SBF2: variants seen among roughly 807,000 people sequenced by gnomAD.
SBF2 encodes SET binding factor 2, also known as myotubularin-related protein 13.
A neutral mutation model predicts 225.2 loss-of-function variants in SBF2; 112 were observed. That is an observed-to-expected ratio of 0.50 (90% CI 0.43 to 0.58). SBF2 has a LOEUF of 0.58. SBF2 is among the 20% of genes least tolerant of loss of function. The pLI is 0.00. For missense variants in SBF2, 1,996 were observed against 2,206.2 expected (o/e 0.90, Z 1.91); for synonymous variants, 763 against 773.3 (o/e 0.99, Z 0.22).
chr11:9,790,312 C>A (rs1455507482), intron 34 of SBF2, among the ~76,000 whole-genome samples: 1 of 152,178 alleles, frequency 6.6e-6, no homozygotes, highest in Non-Finnish European at 1.5e-5. Context: ...TGCTTTGATT[C>A]TCTGCAAGTT....
chr11:10,299,710 A>T (rs569340131), intron 1 of SBF2, among the ~76,000 whole-genome samples: 1 of 149,782 alleles, frequency 6.7e-6, no homozygotes, highest in African/African-American at 2.5e-5. Context: ...GAGTATGTGT[A>T]TGTGGGGAGG....
chr11:10,288,914 C>A lies in SBF2; in HGVS notation c.55+5101G>T, dbSNP rs562317821. Among the ~76,000 whole-genome samples, 3 of 152,314 alleles carry A rather than the reference C, an allele frequency of 2.0e-5. No individual in the cohort carries two copies. In the South Asian group the frequency reaches 6.2e-4, roughly 32 times the overall value. On this transcript the variant is annotated intron_variant, in intron 1 of 39. Coordinates refer to ENST00000256190, the MANE Select transcript of SBF2 (RefSeq NM_030962.4). ...TCCATAGGACTGGCAGCTGGGCCCC[C>A]AGTCTTCAAGCCCTCCCCGGCCTGA...
chr11:10,047,705 C>T (rs1164625911), intron 2 of SBF2, among the ~76,000 whole-genome samples: 1 of 152,082 alleles, frequency 6.6e-6, no homozygotes, highest in Non-Finnish European at 1.5e-5. Context: ...AAAGTAAGAT[C>T]GACATGATTT....
In SBF2 at chr11:10,207,405, T is replaced by C. The variant is rs143033822; in HGVS notation, c.56-13418A>G. ...CGGAGCATCAGTGGCAAAACAAAAA[T>C]ACAAATCCAAGTCATCCTCAATCTA... On this transcript the variant is annotated intron_variant, in intron 1 of 39. Coordinates refer to ENST00000256190, the MANE Select transcript of SBF2 (RefSeq NM_030962.4). 5.3e-5 allele frequency among the ~76,000 whole-genome samples: 8 copies of C among 152,108 alleles called. No individual in the cohort carries two copies. In the East Asian group the frequency reaches 7.7e-4, roughly 15 times the overall value.
chr11:9,907,630 T>A (rs1450696648), intron 16 of SBF2, among the ~76,000 whole-genome samples: 1 of 152,212 alleles, frequency 6.6e-6, no homozygotes, highest in Non-Finnish European at 1.5e-5. Flanking sequence ...ATGACTCCCA[T>A]TGCAATAGAA....
At chr11:10,294,515 G>A (rs1366280495), upstream of SBF2, among the ~76,000 whole-genome samples, 2 of 152,374 alleles carry the variant, frequency 1.3e-5, no homozygotes, top group East Asian at 1.9e-4. Flanking sequence ...AAGAAGGGAT[G>A]TGGAGAGTTG....
intron 2 of SBF2, among the ~76,000 whole-genome samples, chr11:10,096,112 C>T (rs986862026): frequency 6.6e-6 from 1 of 152,082 alleles, no homozygotes; most frequent in African/African-American, 2.4e-5. Flanking sequence ...ACTGACTCAA[C>T]ACAAAGGAGA....
chr11:10,192,144 T>A (rs916211780), intron 2 of SBF2, among the ~76,000 whole-genome samples: 1 of 152,160 alleles, frequency 6.6e-6, no homozygotes, highest in Non-Finnish European at 1.5e-5. Context: ...AACAAATGCC[T>A]GCTTATTCAC....
intron 1 of SBF2, among the ~76,000 whole-genome samples, chr11:10,194,597 G>A (rs542230634): frequency 2.8e-4 from 42 of 152,164 alleles, no homozygotes; most frequent in African/African-American, 9.6e-4. Context: ...TGAAACCTCC[G>A]CTTCCCGAGT....
chr11:10,128,109 A>G (rs547725658), intron 2 of SBF2, among the ~76,000 whole-genome samples: 119 of 152,310 alleles, frequency 7.8e-4, no homozygotes, highest in African/African-American at 2.8e-3. Flanking sequence ...CAAATTTCTG[A>G]GAAGTTGAAT....
At chr11:9,842,590 G>A (rs1244273000) in intron 25 of SBF2, 35 bp downstream of exon 25, 1 of 1,605,226 alleles carries the variant, frequency 6.2e-7, no homozygotes, top group Non-Finnish European at 8.5e-7. Flanking sequence ...AAGAAATAAA[G>A]TTGAATAATG....
intron 2 of SBF2, among the ~76,000 whole-genome samples, chr11:10,090,376 G>C (rs531639073): frequency 6.6e-6 from 1 of 152,278 alleles, no homozygotes; most frequent in Non-Finnish European, 1.5e-5. Context: ...ACTTAGTGAA[G>C]GAAGAGTTGA....
intron 16 of SBF2, among the ~76,000 whole-genome samples, chr11:9,926,093 G>A (rs1334402744): frequency 6.6e-6 from 1 of 152,212 alleles, no homozygotes; most frequent in Non-Finnish European, 1.5e-5. Flanking sequence ...AAACTGGGCT[G>A]TCTCCATTGC....
chr11:10,254,383 AAG>A (rs1373412215), intron 1 of SBF2, among the ~76,000 whole-genome samples: 1 of 151,768 alleles, frequency 6.6e-6, no homozygotes, highest in Non-Finnish European at 1.5e-5. Context: ...CCTGTCTCAA[AAG>A]AAAAAAAAAA....
chr11:10,026,462 G>A (rs1295737216), intron 6 of SBF2, among the ~76,000 whole-genome samples: 2 of 152,160 alleles, frequency 1.3e-5, no homozygotes, highest in Non-Finnish European at 2.9e-5. Context: ...TGCATGCAGT[G>A]GCTCATGCCT....
intron 16 of SBF2, among the ~76,000 whole-genome samples, chr11:9,908,705 T>C (rs189839209): frequency 1.2e-5 from 1 of 83,440 alleles, no homozygotes; most frequent in Middle Eastern, 6.9e-3. Flanking sequence ...GCTGTTGTTG[T>C]TGTTTTAGAA....
At chr11:9,830,865 T>TA (rs1855357636) in intron 27 of SBF2, among the ~76,000 whole-genome samples, 1 of 152,152 alleles carries the variant, frequency 6.6e-6, no homozygotes, top group Admixed American at 6.5e-5. Flanking sequence ...AAATTAGATT[T>TA]AAAAAAATCA....
At chr11:10,085,228 T>C (rs1003676813) in intron 2 of SBF2, among the ~76,000 whole-genome samples, 2 of 152,216 alleles carry the variant, frequency 1.3e-5, no homozygotes, top group African/African-American at 4.8e-5. Context: ...TCTCAAAACC[T>C]TTTAGCAATT....
intron 2 of SBF2, among the ~76,000 whole-genome samples, chr11:10,120,954 C>T (rs1028407764): frequency 1.2e-4 from 18 of 151,734 alleles, no homozygotes; most frequent in East Asian, 1.9e-4. Context: ...TTGGTAGAGA[C>T]GAGGTTCCAC....
Sources: allele counts gnomAD v4.1 joint callset (sites outside exome capture counted in the v4.1 genomes callset), GRCh38; gene constraint gnomAD v4.1.1; transcripts MANE v1.5; gene names NCBI Gene and HGNC (gene_info 2026-07-23, HGNC 2026-07-21).